Variants in LRRTM4 observed in about 807,000 individuals in gnomAD.
LRRTM4 encodes leucine rich repeat transmembrane neuronal 4, also known as leucine-rich repeat transmembrane neuronal protein 4.
In LRRTM4, 25 loss-of-function variants were observed where a neutral mutation model predicts 47.6. The ratio of observed to expected loss-of-function variants is 0.53; its 90% CI spans 0.38 to 0.73. The LOEUF is 0.73. Ranked by LOEUF, LRRTM4 falls within the 30% of genes least tolerant of loss-of-function variation. LRRTM4 has a pLI of 0.00. For synonymous variants in LRRTM4, 311 were observed against 269.5 expected, an observed-to-expected ratio of 1.15 and a Z score of -1.51; for missense variants, 638 against 713.4, an observed-to-expected ratio of 0.89 and a Z score of 1.20.
chr2:77,263,323 A>G (rs1184211423), intron 3 of LRRTM4, among the ~76,000 whole-genome samples: 1 of 152,036 alleles, frequency 6.6e-6, no homozygotes, highest in Non-Finnish European at 1.5e-5. Flanking sequence ...TAATAGGTGA[A>G]TTGTGGTTTT....
chr2:76,873,075 TTTC>T (rs1174767340), intron 3 of LRRTM4, among the ~76,000 whole-genome samples: 1 of 152,106 alleles, frequency 6.6e-6, no homozygotes. Flanking sequence ...GCCTAAGGCA[TTTC>T]TTTATAACAA....
chr2:76,905,671 A>AG (rs199863860), intron 3 of LRRTM4, among the ~76,000 whole-genome samples: 142,073 of 142,090 alleles, frequency 1, 71,028 homozygotes, highest in Middle Eastern at 1. Flanking sequence ...CTGAGCTGAA[A>AG]CCAAGGCTCC....
intron 3 of LRRTM4, among the ~76,000 whole-genome samples, chr2:77,309,520 A>C (rs978829464): frequency 1.1e-4 from 16 of 152,180 alleles, no homozygotes; most frequent in Admixed American, 2.0e-4. Context: ...AAGGCTCACC[A>C]AGACCCTTTG....
At chr2:76,811,964 G>A (rs1362118809) in intron 3 of LRRTM4, among the ~76,000 whole-genome samples, 1 of 152,058 alleles carries the variant, frequency 6.6e-6, no homozygotes, top group East Asian at 1.9e-4. Flanking sequence ...CTTATGTTAA[G>A]CCCCTTTTCC....
At chr2:76,787,710 C>G (rs1269271616) in intron 3 of LRRTM4, among the ~76,000 whole-genome samples, 1 of 151,720 alleles carries the variant, frequency 6.6e-6, no homozygotes, top group African/African-American at 2.4e-5. Flanking sequence ...GATTCTTATC[C>G]CATGGGACTT....
At chr2:77,521,986 T>C in intron 1 of LRRTM4, 123 bp downstream of exon 1, 3 of 663,186 alleles carry the variant, frequency 4.5e-6, no homozygotes, top group East Asian at 2.7e-5. Context: ...TGAGGACCAT[T>C]GTGTAATTCA....
intron 3 of LRRTM4, among the ~76,000 whole-genome samples, chr2:77,025,101 C>T (rs1274723594): frequency 6.6e-6 from 1 of 152,096 alleles, no homozygotes; most frequent in Non-Finnish European, 1.5e-5. Context: ...ATTTATATCA[C>T]TCATTCTAAA....
chr2:77,219,221 C>T (rs10171271), intron 3 of LRRTM4, among the ~76,000 whole-genome samples: 4 of 152,030 alleles, frequency 2.6e-5, no homozygotes, highest in Admixed American at 6.5e-5. Context: ...ATATGGATTT[C>T]GGAGACCTAA....
At chr2:77,225,425 A>G (rs907703273) in intron 3 of LRRTM4, among the ~76,000 whole-genome samples, 6 of 96,758 alleles carry the variant, frequency 6.2e-5, no homozygotes, top group African/African-American at 9.7e-5. Context: ...AAATTGTGAG[A>G]AAAAAAAAAA....
chr2:77,011,556 T>C (rs1212007375), intron 3 of LRRTM4, among the ~76,000 whole-genome samples: 1 of 151,380 alleles, frequency 6.6e-6, no homozygotes, highest in East Asian at 1.9e-4. Context: ...TGTGTGTGTG[T>C]GTGTGTGTGT....
chr2:77,331,339 G>T (rs1477617098), intron 3 of LRRTM4, among the ~76,000 whole-genome samples: 1 of 152,152 alleles, frequency 6.6e-6, no homozygotes, highest in Non-Finnish European at 1.5e-5. Context: ...CAATCCAAGG[G>T]ATGCCATTGT....
intron 3 of LRRTM4, among the ~76,000 whole-genome samples, chr2:76,801,790 T>C (rs530809161): frequency 3.9e-5 from 6 of 152,286 alleles, no homozygotes; most frequent in African/African-American, 1.4e-4. Flanking sequence ...AAATGAGATT[T>C]ATGCCTAGGA....
intron 3 of LRRTM4, among the ~76,000 whole-genome samples, chr2:77,141,914 C>T (rs1028454715): frequency 6.6e-6 from 1 of 152,094 alleles, no homozygotes; most frequent in South Asian, 2.1e-4. Context: ...ACAATATGAG[C>T]CAAGGGCTTC....
chr2:77,371,251 T>G (rs1672645456), intron 3 of LRRTM4, among the ~76,000 whole-genome samples: 1 of 151,796 alleles, frequency 6.6e-6, no homozygotes, highest in Admixed American at 6.6e-5. Context: ...ACCTTCTCTC[T>G]TATTTCAGAG....
chr2:76,982,509 T>C (rs1333441876), intron 3 of LRRTM4, among the ~76,000 whole-genome samples: 3 of 152,080 alleles, frequency 2.0e-5, no homozygotes, highest in Non-Finnish European at 4.4e-5. Flanking sequence ...TGCAATTTTT[T>C]TGAGCATCAT....
At chr2:76,959,695 G>C (rs963063595) in intron 3 of LRRTM4, among the ~76,000 whole-genome samples, 15 of 151,716 alleles carry the variant, frequency 9.9e-5, no homozygotes, top group African/African-American at 3.6e-4. Context: ...CATTGGCTAC[G>C]GAATTTAAAG....
chr2:77,294,751 T>C (rs920135079), intron 3 of LRRTM4, among the ~76,000 whole-genome samples: 1 of 152,178 alleles, frequency 6.6e-6, no homozygotes, highest in African/African-American at 2.4e-5. Context: ...GCAATCATTA[T>C]TTATAAATCT....
intron 3 of LRRTM4, among the ~76,000 whole-genome samples, chr2:76,841,773 C>CA (rs1671692011): frequency 2.0e-5 from 3 of 150,964 alleles, no homozygotes; most frequent in South Asian, 4.2e-4. Flanking sequence ...TGAAAGAAGG[C>CA]AAAATAAATA....
intron 3 of LRRTM4, among the ~76,000 whole-genome samples, chr2:76,819,261 G>A (rs544635638): frequency 8.1e-5 from 12 of 148,912 alleles, no homozygotes; most frequent in Non-Finnish European, 1.0e-4. Context: ...AAATATATGA[G>A]ACAGATGTTA....
Sources: gnomAD v4.1 joint callset for allele counts (sites outside exome capture counted in the v4.1 genomes callset) on GRCh38, gnomAD v4.1.1 for gene constraint, MANE v1.5 for transcripts, NCBI Gene and HGNC (gene_info 2026-07-23, HGNC 2026-07-21) for gene names.